The following ITPR1 variants were observed in gnomAD, a reference collection of about 807,000 sequenced individuals.
The protein encoded by ITPR1 is inositol 1,4,5-trisphosphate-gated calcium channel ITPR1.
In ITPR1, 96 loss-of-function variants were observed where a neutral mutation model predicts 318.4. The observed-to-expected ratio is 0.30, with a 90% CI of 0.26 to 0.36. The LOEUF (loss-of-function observed/expected upper bound fraction) is 0.36. ITPR1 is among the 10% of genes least tolerant of loss of function. The pLI, the probability that ITPR1 is intolerant of heterozygous loss-of-function variation, is 1.00. For missense variants in ITPR1, 2,440 were observed against 3,460.2 expected, an observed-to-expected ratio of 0.71 and a Z score of 7.40; for synonymous variants, 1,312 against 1,289.9, an observed-to-expected ratio of 1.02 and a Z score of -0.37.
At chr3:4,703,071 GA>G in intron 36 of ITPR1, 121 bp downstream of exon 36, 4 of 1,133,982 alleles carry the variant, frequency 3.5e-6, no homozygotes, top group Non-Finnish European at 4.9e-6. Context: ...GGAAGTTTCA[GA>G]GCCAGACCCG....
At chr3:4,514,804 C>T (rs1443012580) in intron 2 of ITPR1, among the ~76,000 whole-genome samples, 1 of 152,210 alleles carries the variant, frequency 6.6e-6, no homozygotes, top group Non-Finnish European at 1.5e-5. Flanking sequence ...AATATAAGCG[C>T]AGAAGGGAAA....
In ITPR1 at chr3:4,774,368, A is replaced by C. The variant is rs149303291; in HGVS notation, c.5980-874A>C. 7.8e-3 allele frequency among the ~76,000 whole-genome samples: 1,188 copies of C among 152,366 alleles called. 9 individuals carry two copies. The highest frequency in any genetic ancestry group is 0.027 in the African/African-American group (1,114 of 41,582). ...ACATACTTTGTGAGTAGAAGTGAATACTTCATAGAAGTGGAAATTACTGGG... is the reference window on the plus strand; with the variant it reads ...ACATACTTTGTGAGTAGAAGTGAATCCTTCATAGAAGTGGAAATTACTGGG... On this transcript the variant is annotated intron_variant, in intron 46 of 61. Transcript: ENST00000649015.
intron 52 of ITPR1, among the ~76,000 whole-genome samples, chr3:4,793,890 C>T (rs1242637482): frequency 8.5e-5 from 13 of 152,100 alleles, no homozygotes; most frequent in Admixed American, 8.5e-4. Context: ...AATAAATTAC[C>T]CAGGGCTCTA....
At chr3:4,658,886 C>A (rs116285961) in intron 13 of ITPR1, among the ~76,000 whole-genome samples, 1 of 152,042 alleles carries the variant, frequency 6.6e-6, no homozygotes, top group Non-Finnish European at 1.5e-5. Context: ...ACTTATTGAG[C>A]GCTGACTGCA....
intron 52 of ITPR1, among the ~76,000 whole-genome samples, chr3:4,792,651 C>T (rs2047645140): frequency 6.6e-6 from 1 of 152,206 alleles, no homozygotes; most frequent in Admixed American, 6.5e-5. Context: ...TCAGCATCCT[C>T]ATGACATGGC....
At chr3:4,816,884 G>T (rs4685822) in intron 59 of ITPR1, among the ~76,000 whole-genome samples, 145,929 of 152,274 alleles carry the variant, frequency 0.96, 70,229 homozygotes, top group East Asian at 1. Flanking sequence ...TGATTTTTAT[G>T]TTATTATTAT....
At chr3:4,610,826 T>C (rs1259041068) in intron 4 of ITPR1, among the ~76,000 whole-genome samples, 1 of 151,774 alleles carries the variant, frequency 6.6e-6, no homozygotes, top group African/African-American at 2.4e-5. Context: ...GCAAATTTTC[T>C]TTTTCCTTCC....
chr3:4,834,270 C>G (rs1168830755), intron 60 of ITPR1, among the ~76,000 whole-genome samples: 1 of 152,238 alleles, frequency 6.6e-6, no homozygotes, highest in Non-Finnish European at 1.5e-5. Flanking sequence ...CTATCACATA[C>G]TTAGGTATCA....
At chr3:4,673,113 T>C in intron 20 of ITPR1, 23 bp from the exon 21 acceptor site, 5 of 1,602,468 alleles carry the variant, frequency 3.1e-6, no homozygotes, top group Non-Finnish European at 4.3e-6. Flanking sequence ...GCGTGAGCTG[T>C]GTGCCCTTGT....
chr3:4,664,335 A>G (rs112462259), intron 16 of ITPR1, among the ~76,000 whole-genome samples: 3 of 152,348 alleles, frequency 2.0e-5, no homozygotes, highest in African/African-American at 7.2e-5. Context: ...GAGTAGATTA[A>G]ATGCACAGAG....
intron 61 of ITPR1, among the ~76,000 whole-genome samples, chr3:4,839,009 T>C (rs1345719651): frequency 6.6e-6 from 1 of 152,026 alleles, no homozygotes; most frequent in African/African-American, 2.4e-5. Flanking sequence ...AAGGAGTGAG[T>C]TGAGCTGAGG....
chr3:4,694,933 C>T (rs994155276), intron 33 of ITPR1, among the ~76,000 whole-genome samples: 8 of 152,280 alleles, frequency 5.3e-5, no homozygotes, highest in Middle Eastern at 3.4e-3. Context: ...GAATTTTGCA[C>T]ATAAACGCAT....
At chr3:4,736,882 T>C (rs896203325) in intron 44 of ITPR1, among the ~76,000 whole-genome samples, 3 of 152,162 alleles carry the variant, frequency 2.0e-5, no homozygotes, top group Non-Finnish European at 2.9e-5. Flanking sequence ...CCAGGGGCGA[T>C]GATGGGGCAG....
At chr3:4,621,801 C>G (rs1397904700) in intron 4 of ITPR1, among the ~76,000 whole-genome samples, 1 of 152,190 alleles carries the variant, frequency 6.6e-6, no homozygotes, top group South Asian at 2.1e-4. Flanking sequence ...GTGCTGTTCC[C>G]TCTGCCTGAG....
intron 4 of ITPR1, among the ~76,000 whole-genome samples, chr3:4,555,140 C>T (rs943689034): frequency 4.6e-4 from 70 of 152,226 alleles, no homozygotes; most frequent in African/African-American, 1.6e-3. Context: ...TTGTAGAAAG[C>T]ACCAGAATCC....
At chr3:4,579,757 C>T (rs2125049291) in intron 4 of ITPR1, among the ~76,000 whole-genome samples, 1 of 152,196 alleles carries the variant, frequency 6.6e-6, no homozygotes, top group East Asian at 1.9e-4. Context: ...TGGGTTCTTT[C>T]TGGTGCTGTT....
intron 4 of ITPR1, among the ~76,000 whole-genome samples, chr3:4,594,413 T>G (rs1034173716): frequency 6.6e-6 from 1 of 152,164 alleles, no homozygotes; most frequent in Non-Finnish European, 1.5e-5. Context: ...GTGAATCACT[T>G]GTTCCAGGGT....
chr3:4,652,140 A>C lies in ITPR1; in HGVS notation c.873A>C (p.Pro291=). ...LWEVEVVQHD[P]CRGGAGYWNS... ...TCTTGCAGGTGGTCCAGCATGACCC[A>C]TGTCGGGGCGGAGCAGGGTATTGGA... Residue 291 remains proline, a synonymous_variant, in exon 11 of 62, where the codon CCA becomes CCC. Transcript: ENST00000649015. 1 of 1,612,514 alleles carries C rather than the reference A, an allele frequency of 6.2e-7. No individual in the cohort carries two copies. The highest frequency in any genetic ancestry group is 8.5e-7 in the Non-Finnish European group (1 of 1,179,374).
intron 4 of ITPR1, among the ~76,000 whole-genome samples, chr3:4,567,931 G>C (rs1414408408): frequency 6.6e-6 from 1 of 152,142 alleles, no homozygotes; most frequent in Non-Finnish European, 1.5e-5. Flanking sequence ...GGTGTGAGAG[G>C]TTCAATGATA....
Sources: allele counts gnomAD v4.1 joint callset (sites outside exome capture counted in the v4.1 genomes callset), GRCh38; gene constraint gnomAD v4.1.1; transcripts MANE v1.5; gene names NCBI Gene and HGNC (gene_info 2026-07-23, HGNC 2026-07-21).